GPBP1: variants seen among roughly 807,000 people sequenced by gnomAD.
GPBP1 encodes the protein GC-rich promoter binding protein 1.
In GPBP1, 13 loss-of-function variants were observed where a neutral mutation model predicts 56.5. That is an observed-to-expected ratio of 0.23 (90% CI 0.15 to 0.37). The LOEUF is 0.37. GPBP1 is among the 10% of genes least tolerant of loss of function. The pLI is 1.00. For missense variants in GPBP1, 477 were observed against 572.3 expected, an observed-to-expected ratio of 0.83 and a Z score of 1.70; for synonymous variants, 204 against 188.9, an observed-to-expected ratio of 1.08 and a Z score of -0.66.
intron 2 of GPBP1, among the ~76,000 whole-genome samples, chr5:57,178,272 C>T (rs1579963531): frequency 6.6e-6 from 1 of 152,272 alleles, no homozygotes; most frequent in African/African-American, 2.4e-5. Flanking sequence ...GAGACGGACT[C>T]TTGCTCTGTC....
chr5:57,261,127 C>CTG, intron 10 of GPBP1, 53 bp from the exon 11 acceptor site: 1 of 1,071,178 alleles, frequency 9.3e-7, no homozygotes, highest in South Asian at 1.3e-5. Context: ...GTAAATGATA[C>CTG]TGTCCTACTC....
At chr5:57,206,811 G>C (rs1054793597) in intron 2 of GPBP1, among the ~76,000 whole-genome samples, 3 of 152,104 alleles carry the variant, frequency 2.0e-5, no homozygotes, top group African/African-American at 7.2e-5. Flanking sequence ...AAATGTGTGG[G>C]CTTATTTCTG....
At position 57,246,294 on chromosome 5, in the gene GPBP1, A is replaced by G. The variant is rs777149554; in HGVS notation, c.479-6A>G. 5.6e-6 allele frequency: 9 copies of G among 1,606,420 alleles called. No homozygotes were observed. Among genetic ancestry groups the G allele is most frequent in the Admixed American group, 3.4e-5 (2 of 58,884 alleles). On this transcript the variant is annotated splice_region_variant and splice_polypyrimidine_tract_variant and intron_variant, in intron 6 of 11. Coordinates refer to ENST00000506184, the MANE Select transcript of GPBP1 (RefSeq NM_022913.4). ...AGTGACTCTTGGTCATGCTTTATTTATGCAGAATATCCTCCGAATCCTAAA... is the reference window on the plus strand; with the variant it reads ...AGTGACTCTTGGTCATGCTTTATTTGTGCAGAATATCCTCCGAATCCTAAA...
chr5:57,258,187 G>T (rs1741743897), intron 10 of GPBP1, among the ~76,000 whole-genome samples: 3 of 152,192 alleles, frequency 2.0e-5, no homozygotes, highest in Admixed American at 1.3e-4. Context: ...TAGTTTGAAG[G>T]AGAGTGGGAA....
At chr5:57,219,689 TCTGAA>T (rs1245716764) in intron 3 of GPBP1, among the ~76,000 whole-genome samples, 3 of 152,102 alleles carry the variant, frequency 2.0e-5, no homozygotes, top group Non-Finnish European at 4.4e-5. Flanking sequence ...TGTCATTTTC[TCTGAA>T]ATAAATGTAA....
chr5:57,228,239 A>G (rs1444541803), intron 3 of GPBP1, among the ~76,000 whole-genome samples: 3 of 152,124 alleles, frequency 2.0e-5, no homozygotes, highest in Non-Finnish European at 4.4e-5. Flanking sequence ...GGCAGATCAC[A>G]AGGTCAGGAG....
At chr5:57,223,982 C>T (rs1580034957) in intron 3 of GPBP1, among the ~76,000 whole-genome samples, 1 of 150,672 alleles carries the variant, frequency 6.6e-6, no homozygotes, top group Middle Eastern at 3.5e-3. Context: ...TATAGGCGCC[C>T]GCCACCACAC....
At chr5:57,227,258 C>T (rs1250056396) in intron 3 of GPBP1, among the ~76,000 whole-genome samples, 3 of 151,932 alleles carry the variant, frequency 2.0e-5, no homozygotes, top group African/African-American at 4.8e-5. Flanking sequence ...TTTAGTGAGC[C>T]GTTTCACCAT....
intron 3 of GPBP1, among the ~76,000 whole-genome samples, chr5:57,225,511 A>AAC (rs1206025608): frequency 1.4e-5 from 2 of 145,776 alleles, no homozygotes; most frequent in African/African-American, 5.0e-5. Flanking sequence ...AAAAAAAAAA[A>AAC]CAAACTGGTA....
In GPBP1 at chr5:57,262,683, C is replaced by G. The variant is rs758128011; in HGVS notation, c.1353C>G (p.Phe451Leu). 7.4e-6 allele frequency: 12 copies of G among 1,613,766 alleles called. No homozygotes were observed. The South Asian group carries it at 1.3e-4, about 18-fold the overall frequency. The part of the protein sequence containing the change: ...FKFGPWKNST[F>L]KPTTENDDTE... ...TTGGACCGTGGAAGAACAGCACTTTCAAACCCACAACTGAGAATGATGACA... is the reference window on the plus strand; with the variant it reads ...TTGGACCGTGGAAGAACAGCACTTTGAAACCCACAACTGAGAATGATGACA... The change falls in exon 12 of 12, where the codon TTC (phenylalanine) becomes TTG (leucine). Residue 451 changes from phenylalanine to leucine, a missense_variant. Transcript: ENST00000506184.
chr5:57,232,764 C>A (rs553248335), intron 5 of GPBP1, among the ~76,000 whole-genome samples: 8 of 152,096 alleles, frequency 5.3e-5, no homozygotes, highest in African/African-American at 1.9e-4. Flanking sequence ...AAACTGGTGG[C>A]GAGTGTGTCC....
At position 57,261,286 on chromosome 5, in the gene GPBP1, A is replaced by G. The variant is rs748441849; in HGVS notation, c.1263+4A>G. ...ATTCCAAGTTATTAGTGAACAGGTA[A>G]GAAAACCTGAATCATACAACTTCAC... On this transcript the variant is annotated splice_donor_region_variant and intron_variant, in intron 11 of 11. Coordinates refer to ENST00000506184, the MANE Select transcript of GPBP1 (RefSeq NM_022913.4). 1 of 1,515,500 alleles carries G rather than the reference A, an allele frequency of 6.6e-7. No individual in the cohort carries two copies. The highest frequency in any genetic ancestry group is 2.3e-5 in the East Asian group (1 of 44,302). 93.9% of individuals were successfully genotyped at this position (1,515,500 alleles called of 1,614,324 possible).
intron 10 of GPBP1, among the ~76,000 whole-genome samples, chr5:57,253,472 T>TA (rs1741483715): frequency 6.6e-6 from 1 of 152,212 alleles, no homozygotes; most frequent in Non-Finnish European, 1.5e-5. Flanking sequence ...TCCTCTTGGA[T>TA]AACTTTTGTG....
At chr5:57,176,611 T>C (rs1031346031) in intron 2 of GPBP1, among the ~76,000 whole-genome samples, 1 of 152,242 alleles carries the variant, frequency 6.6e-6, no homozygotes, top group Non-Finnish European at 1.5e-5. Flanking sequence ...ACTTTTCAGA[T>C]TCAAACAGTC....
chr5:57,199,229 T>C (rs1440636867), intron 2 of GPBP1, among the ~76,000 whole-genome samples: 1 of 152,218 alleles, frequency 6.6e-6, no homozygotes, highest in Non-Finnish European at 1.5e-5. Flanking sequence ...TATTCTTGTT[T>C]TGTAGATATA....
intron 2 of GPBP1, among the ~76,000 whole-genome samples, chr5:57,199,196 C>T (rs1217710203): frequency 6.6e-6 from 1 of 152,168 alleles, no homozygotes; most frequent in African/African-American, 2.4e-5. Flanking sequence ...CGTAATCATA[C>T]TCCTGTGAAG....
rs754356289 is a variant in GPBP1, at chr5:57,213,547, C to T, written c.-57-527C>T. 9.2e-5 allele frequency among the ~76,000 whole-genome samples: 14 copies of T among 151,594 alleles called. No homozygotes were observed. The East Asian group carries it at 9.7e-4, about 10-fold the overall frequency. On this transcript the variant is annotated intron_variant, in intron 2 of 11. Transcript: ENST00000506184. ...CTGCCCATTAAAAGCCACTATTTGT[C>T]GTAGAAACCAGTTCATTTAACCTTT...
chr5:57,190,865 T>A (rs527839448), intron 2 of GPBP1, among the ~76,000 whole-genome samples: 3 of 151,700 alleles, frequency 2.0e-5, no homozygotes, highest in South Asian at 2.1e-4. Flanking sequence ...TACCACCATG[T>A]CTGGCTAATT....
At chr5:57,202,405 C>T (rs1755057644) in intron 2 of GPBP1, among the ~76,000 whole-genome samples, 1 of 152,142 alleles carries the variant, frequency 6.6e-6, no homozygotes, top group African/African-American at 2.4e-5. Context: ...TCACCTGCCT[C>T]AGCGTCCTGA....
Sources: gnomAD v4.1 joint callset for allele counts (sites outside exome capture counted in the v4.1 genomes callset) on GRCh38, gnomAD v4.1.1 for gene constraint, MANE v1.5 for transcripts, NCBI Gene and HGNC (gene_info 2026-07-23, HGNC 2026-07-21) for gene names.